Variants in RYK observed in about 807,000 individuals in gnomAD.
RYK encodes the protein inactive tyrosine-protein kinase RYK.
A neutral mutation model predicts 70.2 loss-of-function variants in RYK; 21 were observed. That is an observed-to-expected ratio of 0.30 (90% CI 0.21 to 0.43). The LOEUF is 0.43. Ranked by LOEUF, RYK falls within the 20% of genes least tolerant of loss-of-function variation. RYK has a pLI of 1.00. For synonymous variants in RYK, 267 were observed against 278.0 expected, an observed-to-expected ratio of 0.96 and a Z score of 0.39; for missense variants, 604 against 753.3, an observed-to-expected ratio of 0.80 and a Z score of 2.32.
intron 2 of RYK, among the ~76,000 whole-genome samples, chr3:134,217,201 G>A (rs1352430707): frequency 1.3e-5 from 2 of 152,212 alleles, no homozygotes; most frequent in African/African-American, 4.8e-5. Flanking sequence ...GGAGCCTGCA[G>A]ATCTCTGGAA....
At chr3:134,195,010 A>C in intron 7 of RYK, 72 bp downstream of exon 7, 1 of 1,026,392 alleles carries the variant, frequency 9.7e-7, no homozygotes, top group East Asian at 2.4e-5. Flanking sequence ...AAGTACACTA[A>C]CCATGCAAGA....
chr3:134,232,302 A>G (rs2015077056), intron 1 of RYK, among the ~76,000 whole-genome samples: 2 of 152,134 alleles, frequency 1.3e-5, no homozygotes, highest in Middle Eastern at 6.8e-3. Context: ...TCAGACATAC[A>G]CCATCAGCTC....
At chr3:134,176,631 A>C (rs914078345) in intron 11 of RYK, among the ~76,000 whole-genome samples, 1 of 152,296 alleles carries the variant, frequency 6.6e-6, no homozygotes, top group Non-Finnish European at 1.5e-5. Context: ...CTGTGGTCCC[A>C]GCTACTCAGG....
chr3:134,207,905 G>C (rs920278201), intron 4 of RYK, among the ~76,000 whole-genome samples: 2 of 152,176 alleles, frequency 1.3e-5, no homozygotes, highest in African/African-American at 4.8e-5. Context: ...AACTTTTCTT[G>C]CTAGTAACAC....
At chr3:134,229,574 T>C (rs1373071718) in intron 1 of RYK, among the ~76,000 whole-genome samples, 1 of 151,892 alleles carries the variant, frequency 6.6e-6, no homozygotes, top group Non-Finnish European at 1.5e-5. Context: ...CTTCTGTCCC[T>C]CAAAAAACAT....
rs892853807 is a variant in RYK at position 134,198,594 on chromosome 3, G to A, written c.789-3412C>T. Among the ~76,000 whole-genome samples, 12 of 152,292 alleles carry A rather than the reference G, an allele frequency of 7.9e-5. No individual in the cohort carries two copies. In the South Asian group the frequency reaches 1.7e-3, roughly 21 times the overall value. ...ATGCCAGTACCTGGCACAATAAGCC[G>A]CAAGTGGGCCAGAGTGAGCCCCAGT... On this transcript the variant is annotated intron_variant, in intron 6 of 14. Coordinates refer to ENST00000623711, the MANE Select transcript of RYK (RefSeq NM_002958.4).
At chr3:134,196,240 C>A (rs1365794001) in intron 6 of RYK, among the ~76,000 whole-genome samples, 1 of 152,092 alleles carries the variant, frequency 6.6e-6, no homozygotes, top group Non-Finnish European at 1.5e-5. Flanking sequence ...TGCCTTAGTT[C>A]TTATAATTTT....
At position 134,157,789 on chromosome 3, in the gene RYK, A is replaced by C. The variant is rs1233678516; in HGVS notation, c.*364T>G. The C allele has an allele frequency of 6.2e-6, 1 of 160,470 alleles. No homozygotes were observed. The highest frequency in any genetic ancestry group is 6.4e-5 in the Admixed American group (1 of 15,512). 9.9% of individuals were successfully genotyped at this position (160,470 alleles called of 1,614,324 possible). A position where few individuals can be genotyped will look rare whatever the true frequency, so the allele number is the denominator to read the frequency against. ...TTACATCACCTTGATGAAGTAAAAA[A>C]ATAAAAAGCAGTTGGCACTAAGATA... On this transcript the variant is annotated 3_prime_UTR_variant, in exon 15 of 15. Transcript: ENST00000623711.
At chr3:134,211,160 T>A (rs2014380236) in intron 3 of RYK, among the ~76,000 whole-genome samples, 1 of 152,084 alleles carries the variant, frequency 6.6e-6, no homozygotes, top group South Asian at 2.1e-4. Flanking sequence ...GGGCTTCACG[T>A]CACAGGGTCA....
At chr3:134,225,980 C>G (rs1185105744) in intron 1 of RYK, among the ~76,000 whole-genome samples, 1 of 151,366 alleles carries the variant, frequency 6.6e-6, no homozygotes, top group African/African-American at 2.4e-5. Context: ...TGAATTAGAC[C>G]ACATGCATTT....
intron 6 of RYK, among the ~76,000 whole-genome samples, chr3:134,197,860 G>A (rs2013863585): frequency 2.0e-5 from 3 of 152,228 alleles, no homozygotes; most frequent in Admixed American, 2.0e-4. Flanking sequence ...AACAGTAGGT[G>A]GCACTCTTGT....
At chr3:134,191,381 GGGAACT>G (rs1390419726) in intron 8 of RYK, among the ~76,000 whole-genome samples, 1 of 152,130 alleles carries the variant, frequency 6.6e-6, no homozygotes, top group East Asian at 1.9e-4. Flanking sequence ...TTATAGAGGA[GGGAACT>G]GGAGACTGAA....
chr3:134,205,322 T>C (rs762691286), intron 5 of RYK, among the ~76,000 whole-genome samples: 1 of 152,002 alleles, frequency 6.6e-6, no homozygotes, highest in Admixed American at 6.6e-5. Flanking sequence ...ATAAGAAAAA[T>C]AAAACTTTTC....
At chr3:134,221,336 C>G (rs1284863554) in intron 2 of RYK, among the ~76,000 whole-genome samples, 4 of 150,150 alleles carry the variant, frequency 2.7e-5, no homozygotes, top group African/African-American at 9.8e-5. Flanking sequence ...TCCTGAGTAG[C>G]TGGGAATACA....
chr3:134,191,759 T>G, intron 8 of RYK, 90 bp downstream of exon 8: 84 of 1,007,638 alleles, frequency 8.3e-5, no homozygotes, highest in Non-Finnish European at 1.1e-4. Context: ...AGACACAAAA[T>G]GAGATGAAAT....
At position 134,250,576 on chromosome 3, in the gene RYK, G is replaced by A. The variant is rs1343195961; in HGVS notation, c.79C>T (p.Pro27Ser). ...GARGLRAPPP[P>S]PLLLLLALLP... is the part of the protein sequence containing the mutation. The stretch of plus-strand genomic sequence containing the variant: ...AGCGCAAGCAGAAGCAGCAGCGGCG[G>A]CGGCGGCGGGGCCCTCAGGCCGCGG... Residue 27 changes from proline (P) to serine (S), a missense_variant, in exon 1 of 15, where the codon CCG becomes TCG. Physicochemically the swap from Pro to Ser is moderately conservative, Grantham distance 74. This residue lies in a region of RYK where 466 missense variants were observed against 535.9 expected (regional missense o/e 0.87). Coordinates refer to ENST00000623711, the MANE Select transcript of RYK (RefSeq NM_002958.4). The A allele has an allele frequency of 3.7e-6, 4 of 1,071,764 alleles. No individual in the cohort carries two copies. Among genetic ancestry groups the A allele is most frequent in the East Asian group, 4.0e-5 (1 of 24,936 alleles). 66.4% of individuals were successfully genotyped at this position (1,071,764 alleles called of 1,614,324 possible).
chr3:134,202,064 G>A (rs2014044410), intron 6 of RYK, among the ~76,000 whole-genome samples: 1 of 152,090 alleles, frequency 6.6e-6, no homozygotes, highest in South Asian at 2.1e-4. Context: ...ATAATTACAG[G>A]TTAATGTAAA....
At position 134,157,292 on chromosome 3, in the gene RYK, G is replaced by C. The variant is rs915962565; in HGVS notation, c.*861C>G. ...CCGCTCTGTGCATAGCACTATTCTA[G>C]GTGCAATAAAAGGGAATCTTAACCT... is the stretch of plus-strand genomic sequence containing the variant. On this transcript the variant is annotated 3_prime_UTR_variant, in exon 15 of 15. Coordinates refer to ENST00000623711, the MANE Select transcript of RYK (RefSeq NM_002958.4). 1.3e-5 allele frequency: 2 copies of C among 152,496 alleles called. No homozygotes were observed. The highest frequency in any genetic ancestry group is 2.4e-5 in the African/African-American group (1 of 41,460). The allele number at this position is 152,496 out of a possible 1,614,324, so 9.4% of individuals were successfully genotyped here.
At chr3:134,162,600 A>G (rs2012516259) in intron 13 of RYK, among the ~76,000 whole-genome samples, 2 of 152,198 alleles carry the variant, frequency 1.3e-5, no homozygotes, top group Admixed American at 1.3e-4. Context: ...TTTCAAATTA[A>G]TAAAAGTTAA....
Sources: gnomAD v4.1 joint callset for allele counts (sites outside exome capture counted in the v4.1 genomes callset) on GRCh38, gnomAD v4.1.1 for gene constraint, gnomAD v4.1.1 regional missense constraint, MANE v1.5 for transcripts, NCBI Gene and HGNC (gene_info 2026-07-23, HGNC 2026-07-21) for gene names.